The following MRPS25 variants were observed in gnomAD, a reference collection of about 807,000 sequenced individuals.
The protein encoded by MRPS25 is small ribosomal subunit protein mS25.
Under a neutral mutation model 17.3 loss-of-function variants are expected in MRPS25, and 15 were observed. The ratio of observed to expected loss-of-function variants is 0.87; its 90% CI spans 0.58 to 1.34. MRPS25 has a LOEUF of 1.34. Among genes scored for constraint, MRPS25 ranks in the 40% most tolerant of loss-of-function variants. The pLI is 0.00. For missense variants in MRPS25, 225 were observed against 218.6 expected (o/e 1.03, Z -0.19); for synonymous variants, 94 against 83.3 (o/e 1.13, Z -0.70).
intron 2 of MRPS25, among the ~76,000 whole-genome samples, chr3:15,058,000 GCCC>G (rs1213884190): frequency 2.0e-5 from 3 of 149,178 alleles, no homozygotes; most frequent in African/African-American, 5.0e-5. Context: ...TCCTGCCTCA[GCCC>G]CCCAAGTAGC....
rs920517518 is a variant in MRPS25, at chr3:15,050,872, A to G, written c.*1569T>C. On this transcript the variant is annotated 3_prime_UTR_variant, in exon 4 of 4. Transcript: ENST00000253686. ...CCAAATCTGCTCAATTTAATGTGAT[A>G]ATCTCCAACAGTTAATGAAACACAT... The G allele has an allele frequency of 3.0e-6, 3 of 985,426 alleles. No homozygotes were observed. The highest frequency in any genetic ancestry group is 3.6e-6 in the Non-Finnish European group (3 of 829,928). 61.0% of individuals were successfully genotyped at this position (985,426 alleles called of 1,614,324 possible).
chr3:15,042,382 C>T (rs758770113), downstream of MRPS25: 1 of 153,004 alleles, frequency 6.5e-6, no homozygotes, highest in Admixed American at 6.5e-5. Context: ...TTTCCCAATA[C>T]TTTATATACA....
chr3:15,055,884 C>T (rs1473341908), intron 2 of MRPS25, among the ~76,000 whole-genome samples: 1 of 147,784 alleles, frequency 6.8e-6, no homozygotes, highest in East Asian at 1.9e-4. Flanking sequence ...ATAAAGAACT[C>T]GACAAGAAAG....
chr3:15,053,641 C>G, intron 2 of MRPS25, 174 bp from the exon 3 acceptor site: 1 of 742,888 alleles, frequency 1.3e-6, no homozygotes. Context: ...TTCTTTAGAC[C>G]TGAGCAAGCA....
At position 15,052,369 on chromosome 3, in the gene MRPS25, G is replaced by A. The variant is rs2042616351; in HGVS notation, c.*72C>T. ...AGGGACAGAACCAGGGGCTTCCCTG[G>A]GCCAAAGTAATCCCATTCCAATCTC... On this transcript the variant is annotated 3_prime_UTR_variant, in exon 4 of 4. Coordinates refer to ENST00000253686, the MANE Select transcript of MRPS25 (RefSeq NM_022497.5). 6.5e-7 allele frequency: 1 copy of A among 1,542,718 alleles called. No individual in the cohort carries two copies. The highest frequency in any genetic ancestry group is 1.2e-5 in the South Asian group (1 of 80,252).
chr3:15,050,740 C>CCATT lies in MRPS25; in HGVS notation c.*1697_*1700dup. ...AGTCTGTCACTCAAGGAACACCTGT[C>CCATT]CATTATACATCAGTCTCTGCCCACC... On this transcript the variant is annotated 3_prime_UTR_variant, in exon 4 of 4. Transcript: ENST00000253686. 1 of 985,376 alleles carries CCATT rather than the reference C, an allele frequency of 1.0e-6. No homozygotes were observed. The highest frequency in any genetic ancestry group is 1.2e-6 in the Non-Finnish European group (1 of 829,902). The allele number at this position is 985,376 out of a possible 1,614,324, so 61.0% of individuals were successfully genotyped here.
chr3:15,064,700 C>A (rs2042830209), intron 1 of MRPS25, among the ~76,000 whole-genome samples: 1 of 152,234 alleles, frequency 6.6e-6, no homozygotes, highest in Non-Finnish European at 1.5e-5. Flanking sequence ...GGGTGTCACC[C>A]CCGTCACCCC....
intron 1 of MRPS25, among the ~76,000 whole-genome samples, 196 bp downstream of exon 1, chr3:15,064,865 C>G (rs1337112441): frequency 6.6e-6 from 1 of 152,220 alleles, no homozygotes; most frequent in Non-Finnish European, 1.5e-5. Flanking sequence ...AACCTCGTCA[C>G]GACTGCAGCC....
chr3:15,063,522 C>A (rs890698883), intron 1 of MRPS25, among the ~76,000 whole-genome samples: 2 of 152,140 alleles, frequency 1.3e-5, no homozygotes, highest in African/African-American at 4.8e-5. Flanking sequence ...CAGACTCCAA[C>A]CCACGGGTAC....
At chr3:15,058,318 T>C (rs1020669381) in intron 2 of MRPS25, among the ~76,000 whole-genome samples, 1 of 152,032 alleles carries the variant, frequency 6.6e-6, no homozygotes, top group African/African-American at 2.4e-5. Flanking sequence ...GCCTCCCGAG[T>C]AGCTGGGACT....
Position 15,052,645 on chromosome 3 carries a change from C to G in MRPS25, c.330-12G>C. 6 of 1,610,618 alleles carry G rather than the reference C, an allele frequency of 3.7e-6. No individual in the cohort carries two copies. Among genetic ancestry groups the G allele is most frequent in the Non-Finnish European group, 5.1e-6 (6 of 1,177,834 alleles). On this transcript the variant is annotated splice_polypyrimidine_tract_variant and intron_variant, in intron 3 of 3. Transcript: ENST00000253686. ...CCCTGAGGGTTTCCCTGCCAAAGAG[C>G]ACAGACGGCAACCAAGCATTGGCAA...
downstream of MRPS25, chr3:15,044,394 C>G (rs1156414235): frequency 6.6e-6 from 1 of 152,162 alleles, no homozygotes; most frequent in Non-Finnish European, 1.5e-5. Context: ...CCCTCAATTT[C>G]CAGGGTGATA....
intron 2 of MRPS25, among the ~76,000 whole-genome samples, chr3:15,054,833 A>C (rs2042649705): frequency 6.6e-6 from 1 of 152,268 alleles, no homozygotes; most frequent in Non-Finnish European, 1.5e-5. Flanking sequence ...TAAAAAACTC[A>C]CAACTCAATA....
chr3:15,049,979 C>T lies in MRPS25; in HGVS notation c.*2462G>A. On this transcript the variant is annotated 3_prime_UTR_variant, in exon 4 of 4. Transcript: ENST00000253686. The stretch of plus-strand genomic sequence containing the variant: ...GGTCACTTCAGAATAAGGCTGTGAA[C>T]ACTGCTTGTGCAAGTAAAATTAAGA... 2 of 1,493,574 alleles carry T rather than the reference C, an allele frequency of 1.3e-6. No homozygotes were observed. Among genetic ancestry groups the T allele is most frequent in the South Asian group, 1.3e-5 (1 of 75,114 alleles). The allele number at this position is 1,493,574 out of a possible 1,614,324, so 92.5% of individuals were successfully genotyped here. A position where few individuals can be genotyped will look rare whatever the true frequency, so the allele number is the denominator to read the frequency against.
At chr3:15,057,445 A>G (rs537529816) in intron 2 of MRPS25, among the ~76,000 whole-genome samples, 1 of 152,316 alleles carries the variant, frequency 6.6e-6, no homozygotes, top group South Asian at 2.1e-4. Context: ...ATGGAATACT[A>G]CCCAGCCAGA....
intron 2 of MRPS25, among the ~76,000 whole-genome samples, chr3:15,058,221 GCT>G (rs1270647478): frequency 6.7e-6 from 1 of 149,300 alleles, no homozygotes; most frequent in Non-Finnish European, 1.5e-5. Flanking sequence ...ACGGAGTCTT[GCT>G]CTGCCGCCCA....
At chr3:15,057,542 GATTCTAGTTACATGACATTCTAAAACAAA>G (rs1394698610) in intron 2 of MRPS25, among the ~76,000 whole-genome samples, 3 of 152,214 alleles carry the variant, frequency 2.0e-5, no homozygotes, top group Non-Finnish European at 4.4e-5. Context: ...CATACTGTGA[GATTCTAGTTACATGACATTCTAAAACAAA>G]ATGCATCTAT....
At position 15,048,726 on chromosome 3, in the gene MRPS25, C is replaced by T. The variant is rs180696818; in HGVS notation, c.*3715G>A. ...ATTTTTCTACAGTCTCTCTGTTCTA[C>T]GGATTATCTTGTAAACCAGTGTTCA... On this transcript the variant is annotated 3_prime_UTR_variant, in exon 4 of 4. Coordinates refer to ENST00000253686, the MANE Select transcript of MRPS25 (RefSeq NM_022497.5). 128 of 152,744 alleles carry T rather than the reference C, an allele frequency of 8.4e-4. 2 individuals are homozygous for T. The highest frequency in any genetic ancestry group is 2.7e-3 in the African/African-American group (113 of 41,556). 9.5% of individuals were successfully genotyped at this position (152,744 alleles called of 1,614,324 possible).
chr3:15,045,829 C>A (rs532560812), downstream of MRPS25: 3 of 152,554 alleles, frequency 2.0e-5, no homozygotes, highest in African/African-American at 7.2e-5. Context: ...CACGTTCATG[C>A]TCCCTCTTCT....
Sources: allele counts gnomAD v4.1 joint callset (sites outside exome capture counted in the v4.1 genomes callset), GRCh38; gene constraint gnomAD v4.1.1; transcripts MANE v1.5; gene names NCBI Gene and HGNC (gene_info 2026-07-23, HGNC 2026-07-21).